PTBP3: variants seen among roughly 807,000 people sequenced by gnomAD.
PTBP3 encodes polypyrimidine tract-binding protein 3.
A neutral mutation model predicts 58.7 loss-of-function variants in PTBP3; 20 were observed. The observed-to-expected ratio is 0.34, with a 90% CI of 0.24 to 0.50. The LOEUF is 0.50. Among genes scored for constraint, PTBP3 ranks in the 20% least tolerant of loss-of-function variants. The pLI is 0.98. For synonymous variants in PTBP3, 185 were observed against 219.8 expected, an observed-to-expected ratio of 0.84 and a Z score of 1.40; for missense variants, 509 against 637.2, an observed-to-expected ratio of 0.80 and a Z score of 2.17.
chr9:112,349,489 C>G, the PTBP3 span, among the ~76,000 whole-genome samples: 4 of 152,222 alleles, frequency 2.6e-5, no homozygotes, highest in South Asian at 6.2e-4. Context: ...TGGGGACTTG[C>G]GATCGGTGTC....
At position 112,305,215 on chromosome 9, in the gene PTBP3, C is replaced by T. The variant is rs142437221; in HGVS notation, c.-51-7299G>A. On this transcript the variant is annotated intron_variant, in intron 1 of 13. Transcript: ENST00000374257. ...AAGGTGTGGCTTTTGCCCTTTCCTTCCTAGAGGTAATCTCTAAGTCCTTGA... is the reference window on the plus strand; with the variant it reads ...AAGGTGTGGCTTTTGCCCTTTCCTTTCTAGAGGTAATCTCTAAGTCCTTGA... Among the ~76,000 whole-genome samples the T allele has an allele frequency of 1.6e-4, 24 of 151,684 alleles. No individual in the cohort carries two copies. In the East Asian group the frequency reaches 3.7e-3, roughly 23 times the overall value.
chr9:112,369,127 G>A, the PTBP3 span, among the ~76,000 whole-genome samples: 2 of 152,260 alleles, frequency 1.3e-5, no homozygotes, highest in African/African-American at 4.8e-5. Context: ...TGCAGGGGCA[G>A]AGCCCTCATG....
the PTBP3 span, among the ~76,000 whole-genome samples, chr9:112,340,435 A>G: frequency 2.0e-3 from 303 of 152,094 alleles, 2 homozygotes; most frequent in African/African-American, 7.0e-3. Flanking sequence ...TATTCTCTCC[A>G]ATCATAGTTC....
the PTBP3 span, chr9:112,362,826 C>A: frequency 3.2e-6 from 1 of 316,830 alleles, no homozygotes; most frequent in East Asian, 9.0e-5. Flanking sequence ...CGGTGGAAAC[C>A]CAGAGACAAC....
Position 112,228,470 on chromosome 9 carries a change from C to A in PTBP3, c.1057G>T (p.Val353Phe). Residue 353 changes from valine (V) to phenylalanine (F), a missense_variant and splice_region_variant, in exon 11 of 14, where the codon GTC becomes TTC. Around this residue, in one of 4 missense-constraint regions of PTBP3, gnomAD observed 135 missense variants for 229.0 expected, o/e 0.59. Transcript: ENST00000374257. ...TPHGLFILFG[V>F]YGDVHRVKIM... ...TTCACTCGATGTACATCACCATAGA[C>A]TCCTAATTAAAACAAAACAAAACAC... 1 of 1,580,252 alleles carries A rather than the reference C, an allele frequency of 6.3e-7. No homozygotes were observed. Among genetic ancestry groups the A allele is most frequent in the Non-Finnish European group, 8.6e-7 (1 of 1,165,588 alleles).
chr9:112,253,684 T>A (rs11792718), intron 5 of PTBP3, among the ~76,000 whole-genome samples: 79,982 of 151,956 alleles, frequency 0.53, 21,901 homozygotes, highest in African/African-American at 0.69. Flanking sequence ...TAGGGACAGT[T>A]TCCCCTTTGT....
intron 1 of PTBP3, chr9:112,332,789 C>T: frequency 1.9e-6 from 3 of 1,612,394 alleles, no homozygotes; most frequent in Non-Finnish European, 2.5e-6. Context: ...CATACACGGG[C>T]AGATAATTCA....
chr9:112,232,648 C>A (rs994283852), intron 8 of PTBP3, among the ~76,000 whole-genome samples: 1 of 152,074 alleles, frequency 6.6e-6, no homozygotes, highest in Non-Finnish European at 1.5e-5. Flanking sequence ...AGTCCTTCAG[C>A]AGAAAGTCAA....
chr9:112,283,037 TCC>T (rs1308790482), intron 2 of PTBP3, among the ~76,000 whole-genome samples: 2 of 152,192 alleles, frequency 1.3e-5, no homozygotes, highest in African/African-American at 2.4e-5. Context: ...CTTGCCTGCT[TCC>T]CCTTCTGCCA....
At chr9:112,303,861 C>CTCAA (rs35404908) in intron 1 of PTBP3, among the ~76,000 whole-genome samples, 71,706 of 147,810 alleles carry the variant, frequency 0.49, 17,572 homozygotes, top group African/African-American at 0.58. Context: ...GAGACTCCGT[C>CTCAA]TCAATCAATC....
chr9:112,252,968 C>T (rs987060355), intron 5 of PTBP3, among the ~76,000 whole-genome samples, 180 bp from the exon 6 acceptor site: 1 of 152,136 alleles, frequency 6.6e-6, no homozygotes, highest in African/African-American at 2.4e-5. Context: ...CTTACAACAA[C>T]GCCCGGTACA....
rs1554785599 is a variant in PTBP3 at position 112,222,355 on chromosome 9, C to CTT, written c.*1494_*1495dup. 5.1e-6 allele frequency: 5 copies of CTT among 984,848 alleles called. No individual in the cohort carries two copies. The highest frequency in any genetic ancestry group is 6.2e-5 in the Admixed American group (1 of 16,256). 61.0% of individuals were successfully genotyped at this position (984,848 alleles called of 1,614,324 possible). On this transcript the variant is annotated 3_prime_UTR_variant, in exon 14 of 14. Transcript: ENST00000374257. The stretch of plus-strand genomic sequence containing the variant: ...GGACAGAGTATGAGAAATAACCCAC[C>CTT]TTCTCATACTCCAAATACGTGGGTA...
At chr9:112,290,707 T>TATATAC (rs377603008) in intron 2 of PTBP3, among the ~76,000 whole-genome samples, 4 of 110,926 alleles carry the variant, frequency 3.6e-5, no homozygotes, top group Admixed American at 1.0e-4. Flanking sequence ...TATATATATA[T>TATATAC]ACACACACAC....
rs117540141 is a variant in PTBP3 at position 112,259,457 on chromosome 9, T to A, written c.516+2978A>T. Among the ~76,000 whole-genome samples the A allele has an allele frequency of 4.7e-4, 71 of 152,334 alleles. No homozygotes were observed. The East Asian group carries it at 0.013, about 29-fold the overall frequency. ...CCAGTGACACCAGCCTTCTTTCTGA[T>A]ACTTGAACACAACAAGCATACTTCC... On this transcript the variant is annotated intron_variant, in intron 5 of 13. Coordinates refer to ENST00000374257, the MANE Select transcript of PTBP3 (RefSeq NM_001163788.4).
At position 112,260,682 on chromosome 9, in the gene PTBP3, C is replaced by T. The variant is rs1300468176; in HGVS notation, c.516+1753G>A. Reference sequence around the variant, plus strand: ...GAGACAGTGCCAGAAAAGACAGGTGCTAAATAACCAGAAGAGTGTTAGGTA... The same window carrying T: ...GAGACAGTGCCAGAAAAGACAGGTGTTAAATAACCAGAAGAGTGTTAGGTA... On this transcript the variant is annotated intron_variant, in intron 5 of 13. Transcript: ENST00000374257. Among the ~76,000 whole-genome samples, 5 of 152,126 alleles carry T rather than the reference C, an allele frequency of 3.3e-5. No homozygotes were observed. The East Asian group carries it at 7.7e-4, about 24-fold the overall frequency.
intron 1 of PTBP3, among the ~76,000 whole-genome samples, chr9:112,304,758 A>T (rs950151257): frequency 1.3e-5 from 2 of 151,838 alleles, no homozygotes; most frequent in African/African-American, 2.4e-5. Context: ...AGACAGAAAA[A>T]TTTTTTTTAT....
At chr9:112,290,543 G>A (rs558551336) in intron 2 of PTBP3, among the ~76,000 whole-genome samples, 69 of 151,474 alleles carry the variant, frequency 4.6e-4, no homozygotes, top group East Asian at 1.7e-3. Flanking sequence ...GTAGTGGCAC[G>A]TGCCTGTAAT....
the PTBP3 span, among the ~76,000 whole-genome samples, chr9:112,377,201 T>G: frequency 6.6e-6 from 1 of 152,114 alleles, no homozygotes; most frequent in African/African-American, 2.4e-5. Flanking sequence ...GAGACCCCTG[T>G]GTCTATAAAA....
At chr9:112,318,443 T>C (rs1043341090) in intron 1 of PTBP3, among the ~76,000 whole-genome samples, 2 of 151,980 alleles carry the variant, frequency 1.3e-5, no homozygotes, top group Non-Finnish European at 2.9e-5. Flanking sequence ...AAAACAACAT[T>C]GAAAGAAATT....
Sources: gnomAD v4.1 joint callset for allele counts (sites outside exome capture counted in the v4.1 genomes callset) on GRCh38, gnomAD v4.1.1 for gene constraint, gnomAD v4.1.1 regional missense constraint, MANE v1.5 for transcripts, NCBI Gene and HGNC (gene_info 2026-07-23, HGNC 2026-07-21) for gene names.